Variants in GAR1 observed in about 807,000 individuals in gnomAD.
The protein encoded by GAR1 is GAR1 ribonucleoprotein.
Under a neutral mutation model 29.3 loss-of-function variants are expected in GAR1, and 11 were observed. The observed-to-expected ratio is 0.38, with a 90% CI of 0.24 to 0.62. The LOEUF is 0.62. Among genes scored for constraint, GAR1 ranks in the 20% least tolerant of loss-of-function variants. The probability of loss-of-function intolerance (pLI) is 0.62; values close to 1 mark genes in which losing one functional copy is unlikely to be tolerated. For missense variants in GAR1, 237 were observed against 268.4 expected (o/e 0.88, Z 0.82); for synonymous variants, 87 against 93.3 (o/e 0.93, Z 0.39).
At position 109,824,426 on chromosome 4, in the gene GAR1, C is replaced by A; in HGVS notation, c.649C>A (p.His217Asn). Residue 217 changes from histidine (H) to asparagine (N), a missense_variant, in exon 7 of 7, where the codon CAT (histidine) becomes AAT (asparagine). Physicochemically the swap from His to Asn is moderately conservative, Grantham distance 68 (BLOSUM62 1). Transcript: ENST00000226796. ...GRGGGFRGRGH is the reference protein window; with the variant it reads ...GRGGGFRGRGN ...AATTTTCTCTTAATCAGGGAGAGGACATTAAGTGAAACAGTTGACAGACAT... is the reference window on the plus strand; with the variant it reads ...AATTTTCTCTTAATCAGGGAGAGGAAATTAAGTGAAACAGTTGACAGACAT... The A allele has an allele frequency of 6.3e-7, 1 of 1,588,952 alleles. No homozygotes were observed. The highest frequency in any genetic ancestry group is 8.6e-7 in the Non-Finnish European group (1 of 1,157,558).
At chr4:109,815,861 C>T (rs1451261317) in intron 1 of GAR1, 57 bp downstream of exon 1, 2 of 383,646 alleles carry the variant, frequency 5.2e-6, no homozygotes, top group African/African-American at 2.1e-5. Context: ...ACCCAACTGC[C>T]GGAGGGAGGG....
intron 2 of GAR1, 74 bp from the exon 3 acceptor site, chr4:109,817,862 A>G: frequency 3.9e-6 from 5 of 1,282,638 alleles, no homozygotes; most frequent in Non-Finnish European, 5.5e-6. Flanking sequence ...AGCCAAAAAG[A>G]AAGCTTCCAG....
intron 5 of GAR1, among the ~76,000 whole-genome samples, chr4:109,822,976 C>T (rs985902377): frequency 1.3e-5 from 2 of 152,160 alleles, no homozygotes; most frequent in Non-Finnish European, 2.9e-5. Flanking sequence ...AAATGCATAT[C>T]TTCTGATGTC....
chr4:109,824,552 A>G lies in GAR1; in HGVS notation c.*121A>G. ...TGAAGATCTTGGTCATTTTATGACA[A>G]TGGATCTAAAATGTCAGCATCATGC... On this transcript the variant is annotated 3_prime_UTR_variant, in exon 7 of 7. Coordinates refer to ENST00000226796, the MANE Select transcript of GAR1 (RefSeq NM_018983.4). 4 of 781,542 alleles carry G rather than the reference A, an allele frequency of 5.1e-6. No individual in the cohort carries two copies. Among genetic ancestry groups the G allele is most frequent in the Non-Finnish European group, 9.0e-6 (4 of 444,134 alleles). The allele number at this position is 781,542 out of a possible 1,614,324, so 48.4% of individuals were successfully genotyped here.
intron 4 of GAR1, 112 bp from the exon 5 acceptor site, chr4:109,822,235 G>A: frequency 1.6e-6 from 1 of 611,134 alleles, no homozygotes; most frequent in East Asian, 3.3e-5. Context: ...AGTAGAAAGT[G>A]GTAGGATTGG....
chr4:109,819,045 TA>T lies in GAR1; in HGVS notation c.420del (p.Lys140AsnfsTer7). The T allele has an allele frequency of 6.7e-7, 1 of 1,498,466 alleles. No individual in the cohort carries two copies. The highest frequency in any genetic ancestry group is 9.3e-7 in the Non-Finnish European group (1 of 1,076,652). 92.8% of individuals were successfully genotyped at this position (1,498,466 alleles called of 1,614,324 possible). Reference protein sequence around the residue: ...LSENMKASSFKKLQKFYIDPY... With the variant: ...LSENMKASSFXKLQKFYIDPY... ...CAGAAAACATGAAGGCTTCATCCTT[TA>T]AAAAACTACAGAAGGTGAGTCAAAC... On this transcript the variant is annotated frameshift_variant, in exon 4 of 7. Coordinates refer to ENST00000226796, the MANE Select transcript of GAR1 (RefSeq NM_018983.4). LOFTEE classifies it high-confidence loss of function.
At position 109,816,360 on chromosome 4, in the gene GAR1, C is replaced by T. The variant is rs1733352511; in HGVS notation, c.196C>T (p.Pro66Ser). 4 of 1,613,760 alleles carry T rather than the reference C, an allele frequency of 2.5e-6. No homozygotes were observed. Among genetic ancestry groups the T allele is most frequent in the African/African-American group, 1.3e-5 (1 of 74,866 alleles). ...CTTTAACAAAGGCCAAGACCAAGGA[C>T]CTCCAGAACGTGTAGTCTGTATGCA... ...GGFNKGQDQG[P>S]PERVVLLGEF... The change falls in exon 2 of 7, where the codon CCT becomes TCT. Residue 66 changes from proline to serine, a missense_variant. By Grantham distance (74) the Pro-to-Ser change is moderately conservative. Coordinates refer to ENST00000226796, the MANE Select transcript of GAR1 (RefSeq NM_018983.4).
At chr4:109,816,735 T>C (rs1417738728) in intron 2 of GAR1, among the ~76,000 whole-genome samples, 1 of 152,226 alleles carries the variant, frequency 6.6e-6, no homozygotes, top group Non-Finnish European at 1.5e-5. Context: ...GGCTCACGCC[T>C]GTAATCCCAA....
chr4:109,819,561 GA>G (rs1733457054), intron 4 of GAR1: 1 of 154,176 alleles, frequency 6.5e-6, no homozygotes, highest in Non-Finnish European at 1.4e-5. Flanking sequence ...CCTGATTGTT[GA>G]CTAACAGTGA....
intron 5 of GAR1, among the ~76,000 whole-genome samples, chr4:109,823,229 G>T (rs1733566966): frequency 6.6e-6 from 1 of 152,194 alleles, no homozygotes; most frequent in Non-Finnish European, 1.5e-5. Flanking sequence ...AGCCAAAGTG[G>T]AAAGGGAGAG....
At chr4:109,816,754 G>A (rs1007457362) in intron 2 of GAR1, among the ~76,000 whole-genome samples, 8 of 152,156 alleles carry the variant, frequency 5.3e-5, no homozygotes, top group Admixed American at 1.3e-4. Flanking sequence ...AACACTTTGG[G>A]AAGCTAAGAC....
intron 2 of GAR1, among the ~76,000 whole-genome samples, chr4:109,816,812 AG>A (rs1163397133): frequency 6.6e-6 from 1 of 152,232 alleles, no homozygotes; most frequent in Non-Finnish European, 1.5e-5. Context: ...TGGATAATAA[AG>A]CAGGAGACCC....
intron 5 of GAR1, among the ~76,000 whole-genome samples, chr4:109,823,340 A>G (rs1733569493): frequency 6.6e-6 from 1 of 152,200 alleles, no homozygotes; most frequent in African/African-American, 2.4e-5. Flanking sequence ...ATTTCACTCC[A>G]TAAAGGTATT....
intron 2 of GAR1, 23 bp downstream of exon 2, chr4:109,816,401 C>T: frequency 6.2e-7 from 1 of 1,603,172 alleles, no homozygotes; most frequent in Non-Finnish European, 8.5e-7. Flanking sequence ...CAGTATTTAG[C>T]TTATTTGAAG....
At position 109,824,519 on chromosome 4, in the gene GAR1, A is replaced by C. The variant is rs1341669784; in HGVS notation, c.*88A>C. ...TATGGATTGGAAACTTGTTTCTTGAACAAGTCTTGAAGATCTTGGTCATTT... is the reference window on the plus strand; with the variant it reads ...TATGGATTGGAAACTTGTTTCTTGACCAAGTCTTGAAGATCTTGGTCATTT... On this transcript the variant is annotated 3_prime_UTR_variant, in exon 7 of 7. Coordinates refer to ENST00000226796, the MANE Select transcript of GAR1 (RefSeq NM_018983.4). 1.0e-6 allele frequency: 1 copy of C among 979,226 alleles called. No homozygotes were observed. 60.7% of individuals were successfully genotyped at this position (979,226 alleles called of 1,614,324 possible). A position where few individuals can be genotyped will look rare whatever the true frequency, so the allele number is the denominator to read the frequency against.
rs1160349925 is a variant in GAR1, at chr4:109,816,185, T to C, written c.21T>C (p.Gly7=). The C allele has an allele frequency of 6.2e-7, 1 of 1,609,748 alleles. No individual in the cohort carries two copies. Among genetic ancestry groups the C allele is most frequent in the African/African-American group, 1.4e-5 (1 of 73,932 alleles). The change falls in exon 2 of 7, where the codon GGT becomes GGC. Residue 7 remains glycine, a synonymous_variant. Transcript: ENST00000226796. MSFRGG[G]RGGFNRGGGG... ...AGAGAATGTCTTTTCGAGGCGGAGG[T>C]CGTGGAGGCTTTAATCGAGGTGGTG...
chr4:109,820,015 A>T (rs1447544274), intron 4 of GAR1, among the ~76,000 whole-genome samples: 1 of 152,208 alleles, frequency 6.6e-6, no homozygotes, highest in Non-Finnish European at 1.5e-5. Context: ...ACACAGTTAA[A>T]TGAATGCTTC....
chr4:109,818,278 G>A (rs1733406631), intron 3 of GAR1, among the ~76,000 whole-genome samples, 188 bp downstream of exon 3: 1 of 152,152 alleles, frequency 6.6e-6, no homozygotes, highest in Non-Finnish European at 1.5e-5. Context: ...ACAGACCCTA[G>A]AACGGTGACT....
At chr4:109,822,168 A>T (rs1733532062) in intron 4 of GAR1, among the ~76,000 whole-genome samples, 179 bp from the exon 5 acceptor site, 1 of 151,082 alleles carries the variant, frequency 6.6e-6, no homozygotes, top group African/African-American at 2.4e-5. Flanking sequence ...AAAAAAAAAA[A>T]AAAAAAAAAA....
Sources: gnomAD v4.1 joint callset for allele counts (sites outside exome capture counted in the v4.1 genomes callset) on GRCh38, gnomAD v4.1.1 for gene constraint, MANE v1.5 for transcripts, NCBI Gene and HGNC (gene_info 2026-07-23, HGNC 2026-07-21) for gene names.